Variants in RSPO2 observed in about 807,000 individuals in gnomAD.
RSPO2 encodes R-spondin-2.
RSPO2 carries 14 observed loss-of-function variants against 30.9 expected under a neutral mutation model. That is an observed-to-expected ratio of 0.45 (90% CI 0.30 to 0.71). The LOEUF is 0.71. Among genes scored for constraint, RSPO2 ranks in the 30% least tolerant of loss-of-function variants. The probability of loss-of-function intolerance (pLI) is 0.08; values close to 1 mark genes in which losing one functional copy is unlikely to be tolerated. For missense variants in RSPO2, 264 were observed against 301.9 expected (o/e 0.87, Z 0.93); for synonymous variants, 107 against 96.4 (o/e 1.11, Z -0.64).
intron 3 of RSPO2, among the ~76,000 whole-genome samples, chr8:107,969,231 G>T (rs533720503): frequency 6.6e-6 from 1 of 152,178 alleles, no homozygotes; most frequent in African/African-American, 2.4e-5. Flanking sequence ...CAATTAGGCA[G>T]AATAAATTTC....
At chr8:108,055,302 A>G (rs941601139) in intron 2 of RSPO2, among the ~76,000 whole-genome samples, 9 of 152,188 alleles carry the variant, frequency 5.9e-5, no homozygotes, top group African/African-American at 2.2e-4. Flanking sequence ...AAGAAGCCCA[A>G]TAGGACTGAG....
At chr8:107,935,855 G>T (rs750730183) in intron 5 of RSPO2, among the ~76,000 whole-genome samples, 14 of 152,020 alleles carry the variant, frequency 9.2e-5, no homozygotes, top group Non-Finnish European at 2.1e-4. Context: ...CTATCTATGG[G>T]TACATCTGAA....
Position 108,024,105 on chromosome 8 carries a change from C to T in RSPO2, c.95-34861G>A, listed in dbSNP as rs750773580. ...TTGACAATTTTGTTGCAAAGGTATT[C>T]AAAAGAAATAAAAGAGGGTACTTAC... On this transcript the variant is annotated intron_variant, in intron 2 of 5. Transcript: ENST00000276659. 3.0e-4 allele frequency among the ~76,000 whole-genome samples: 44 copies of T among 149,024 alleles called. 1 individual carries two copies. The highest frequency in any genetic ancestry group is 5.3e-4 in the Non-Finnish European group (36 of 67,670).
chr8:107,923,936 A>T (rs1031894442), intron 5 of RSPO2, among the ~76,000 whole-genome samples: 2 of 152,064 alleles, frequency 1.3e-5, no homozygotes, highest in Admixed American at 6.6e-5. Flanking sequence ...TCTGGGGCCT[A>T]TCGGGGGTTG....
chr8:107,949,104 G>A (rs912346081), intron 5 of RSPO2, among the ~76,000 whole-genome samples: 1 of 151,714 alleles, frequency 6.6e-6, no homozygotes, highest in Non-Finnish European at 1.5e-5. Flanking sequence ...AGATTTTGGG[G>A]CACCTGTCAC....
chr8:108,082,528 G>C lies in RSPO2; in HGVS notation c.94+17C>G. 1 of 1,604,172 alleles carries C rather than the reference G, an allele frequency of 6.2e-7. No homozygotes were observed. The highest frequency in any genetic ancestry group is 1.3e-5 in the African/African-American group (1 of 74,854). ...CCCCTGAAGCCCACCACGCACCTTT[G>C]GCAGAGAGGGACCCACCTCGCTTAC... On this transcript the variant is annotated intron_variant, in intron 2 of 5. Coordinates refer to ENST00000276659, the MANE Select transcript of RSPO2 (RefSeq NM_178565.5).
At chr8:108,062,588 G>A (rs546330175) in intron 2 of RSPO2, among the ~76,000 whole-genome samples, 35 of 151,774 alleles carry the variant, frequency 2.3e-4, no homozygotes, top group Non-Finnish European at 5.1e-4. Flanking sequence ...ATTCACAGCC[G>A]AATTCTACCA....
intron 5 of RSPO2, among the ~76,000 whole-genome samples, chr8:107,934,107 C>T (rs1408839973): frequency 1.3e-5 from 2 of 151,994 alleles, no homozygotes; most frequent in South Asian, 2.1e-4. Flanking sequence ...TTATGTTTTA[C>T]AATACAAAAT....
At chr8:108,036,037 A>G (rs1811585816) in intron 2 of RSPO2, among the ~76,000 whole-genome samples, 1 of 152,200 alleles carries the variant, frequency 6.6e-6, no homozygotes, top group South Asian at 2.1e-4. Flanking sequence ...GCAACTTTTC[A>G]GTTTGTTCTA....
chr8:107,923,727 A>T (rs1209498027), intron 5 of RSPO2, among the ~76,000 whole-genome samples: 1 of 152,176 alleles, frequency 6.6e-6, no homozygotes, highest in African/African-American at 2.4e-5. Context: ...ACCATGGAAT[A>T]CTATGCAGCC....
chr8:107,913,704 G>A (rs751969745), intron 5 of RSPO2, among the ~76,000 whole-genome samples: 7 of 152,002 alleles, frequency 4.6e-5, no homozygotes, highest in Non-Finnish European at 7.4e-5. Context: ...ATTAAAACAC[G>A]AGAACATAGT....
At chr8:107,907,653 G>A (rs971469721) in intron 5 of RSPO2, among the ~76,000 whole-genome samples, 1 of 151,924 alleles carries the variant, frequency 6.6e-6, no homozygotes, top group African/African-American at 2.4e-5. Flanking sequence ...AATAAATAAC[G>A]GACAAAATTT....
intron 2 of RSPO2, among the ~76,000 whole-genome samples, chr8:108,020,197 C>T (rs1174731093): frequency 9.2e-5 from 14 of 152,116 alleles, no homozygotes; most frequent in Non-Finnish European, 2.9e-5. Context: ...CTCACCCCCT[C>T]ACCACAGTCA....
chr8:107,923,234 AAAC>A (rs1207025008), intron 5 of RSPO2, among the ~76,000 whole-genome samples: 1 of 152,150 alleles, frequency 6.6e-6, no homozygotes, highest in Non-Finnish European at 1.5e-5. Context: ...GTAAGGGAAA[AAAC>A]AACCCCATTA....
intron 2 of RSPO2, among the ~76,000 whole-genome samples, chr8:108,029,744 A>G (rs946455221): frequency 1.3e-5 from 2 of 152,242 alleles, no homozygotes; most frequent in African/African-American, 4.8e-5. Context: ...CAATATTTAC[A>G]TATTTAATAT....
intron 5 of RSPO2, among the ~76,000 whole-genome samples, chr8:107,904,642 T>G (rs618673): frequency 0.96 from 145,903 of 152,132 alleles, 70,023 homozygotes; most frequent in East Asian, 1. Context: ...CTTCTGGGAA[T>G]AAGAAAACCT....
intron 5 of RSPO2, among the ~76,000 whole-genome samples, chr8:107,934,575 T>G (rs1812657015): frequency 6.6e-6 from 1 of 152,036 alleles, no homozygotes; most frequent in African/African-American, 2.4e-5. Flanking sequence ...TTTCTTCATG[T>G]TGGTCAGGCT....
At chr8:108,055,662 T>C (rs779183533) in intron 2 of RSPO2, among the ~76,000 whole-genome samples, 1 of 152,202 alleles carries the variant, frequency 6.6e-6, no homozygotes, top group Non-Finnish European at 1.5e-5. Context: ...ACTAAGTAGA[T>C]ATTAATGTTA....
intron 2 of RSPO2, among the ~76,000 whole-genome samples, chr8:108,025,974 T>C (rs1361948240): frequency 1.3e-5 from 2 of 152,232 alleles, no homozygotes; most frequent in Non-Finnish European, 2.9e-5. Flanking sequence ...TTTTATATCA[T>C]ATCAAAGTAT....
Sources: gnomAD v4.1 joint callset for allele counts (sites outside exome capture counted in the v4.1 genomes callset) on GRCh38, gnomAD v4.1.1 for gene constraint, MANE v1.5 for transcripts, NCBI Gene and HGNC (gene_info 2026-07-23, HGNC 2026-07-21) for gene names.